TOPAZ1: variants seen among roughly 807,000 people sequenced by gnomAD.
The protein encoded by TOPAZ1 is testis and ovary specific TOPAZ 1.
Under a neutral mutation model 172.2 loss-of-function variants are expected in TOPAZ1, and 66 were observed. The ratio of observed to expected loss-of-function variants is 0.38; its 90% CI spans 0.31 to 0.47. TOPAZ1 has a LOEUF of 0.47. TOPAZ1 is among the 20% of genes least tolerant of loss of function. TOPAZ1 has a pLI of 0.99. For synonymous variants in TOPAZ1, 681 were observed against 683.9 expected, an observed-to-expected ratio of 1.00 and a Z score of 0.07; for missense variants, 1,822 against 1,972.4, an observed-to-expected ratio of 0.92 and a Z score of 1.44.
intron 1 of TOPAZ1, 123 bp from the exon 2 acceptor site, chr3:44,242,730 G>A (rs1459163919): frequency 6.4e-6 from 5 of 785,328 alleles, no homozygotes; most frequent in Non-Finnish European, 9.8e-6. Flanking sequence ...AAACAAATGT[G>A]TATTTACATA....
At chr3:44,269,786 C>T (rs1699875616) in intron 7 of TOPAZ1, among the ~76,000 whole-genome samples, 1 of 151,912 alleles carries the variant, frequency 6.6e-6, no homozygotes, top group Admixed American at 6.6e-5. Flanking sequence ...CGCCCACCAC[C>T]ACGCCCGGCT....
chr3:44,325,643 CTT>C (rs747058832), intron 18 of TOPAZ1, among the ~76,000 whole-genome samples: 1 of 144,176 alleles, frequency 6.9e-6, no homozygotes, highest in Non-Finnish European at 1.5e-5. Flanking sequence ...TAGTGACTGG[CTT>C]TTTTTTTTTT....
chr3:44,314,497 G>A (rs1247495392), intron 16 of TOPAZ1, among the ~76,000 whole-genome samples: 3 of 152,082 alleles, frequency 2.0e-5, no homozygotes, highest in African/African-American at 7.2e-5. Flanking sequence ...CAACAAATAA[G>A]TGTAAAGCAG....
chr3:44,248,981 G>A (rs957228044), intron 2 of TOPAZ1, among the ~76,000 whole-genome samples: 10 of 152,166 alleles, frequency 6.6e-5, no homozygotes, highest in African/African-American at 2.2e-4. Flanking sequence ...AACATTAGAA[G>A]CATACTAGAG....
Position 44,243,897 on chromosome 3 carries a change from G to A in TOPAZ1, c.1391G>A (p.Arg464Lys). ...TCACCTAATGAGTACCATATTGAAAGGAGATCTTCACGGGAAGACTTAAGA... is the reference window on the plus strand; with the variant it reads ...TCACCTAATGAGTACCATATTGAAAAGAGATCTTCACGGGAAGACTTAAGA... ...GKSPNEYHIE[R>K]RSSREDLRSA... Residue 464 changes from arginine to lysine, a missense_variant, in exon 2 of 20, where the codon AGG (arginine) becomes AAG (lysine). Arg to Lys is a conservative substitution (Grantham distance 26). Around this residue, in one of 2 missense-constraint regions of TOPAZ1, gnomAD observed 1,489 missense variants for 1,490.8 expected, o/e 1.00. Transcript: ENST00000309765. 6.4e-7 allele frequency: 1 copy of A among 1,551,962 alleles called. No homozygotes were observed.
rs1459664054 is a variant in TOPAZ1 at position 44,242,181 on chromosome 3, G to C, written c.128G>C (p.Cys43Ser). 1.5e-5 allele frequency: 23 copies of C among 1,541,988 alleles called. No individual in the cohort carries two copies. Among genetic ancestry groups the C allele is most frequent in the Non-Finnish European group, 1.9e-5 (22 of 1,144,578 alleles). ...GGCTGTGGCCCTGAGGCCGGGGGGT[G>C]CCGGGAAAATAAGCAAAAGAGGAGA... ...AGGCGPEAGG[C>S]RENKQKRRMV... The change falls in exon 1 of 20, where the codon TGC becomes TCC. Residue 43 changes from cysteine to serine, a missense_variant. By Grantham distance (112) the Cys-to-Ser change is moderately radical. Around this residue, in one of 2 missense-constraint regions of TOPAZ1, gnomAD observed 1,489 missense variants for 1,490.8 expected, o/e 1.00. Coordinates refer to ENST00000309765, the MANE Select transcript of TOPAZ1 (RefSeq NM_001145030.2).
chr3:44,305,200 A>G lies in TOPAZ1; in HGVS notation c.3918A>G (p.Val1306=), dbSNP rs1291229735. The G allele has an allele frequency of 6.5e-7, 1 of 1,546,482 alleles. No homozygotes were observed. Among genetic ancestry groups the G allele is most frequent in the Non-Finnish European group, 8.7e-7 (1 of 1,145,244 alleles). Residue 1306 remains valine, a synonymous_variant, in exon 14 of 20, where the codon GTA becomes GTG. Coordinates refer to ENST00000309765, the MANE Select transcript of TOPAZ1 (RefSeq NM_001145030.2). ...AATTGGGAAAATTATACATTAACGT[A>G]AAAATGGGCTGTGAAAAATTTGCAG... ...WTKLGKLYIN[V]KMGCEKFADF... is the part of the protein sequence containing the mutation.
At position 44,242,418 on chromosome 3, in the gene TOPAZ1, T is replaced by G; in HGVS notation, c.346+19T>G. The G allele has an allele frequency of 0.018, 27,112 of 1,468,332 alleles. No homozygotes were observed. Among genetic ancestry groups the G allele is most frequent in the Non-Finnish European group, 0.023 (24,717 of 1,070,404 alleles). 91.0% of individuals were successfully genotyped at this position (1,468,332 alleles called of 1,614,324 possible). On this transcript the variant is annotated intron_variant, in intron 1 of 19. Coordinates refer to ENST00000309765, the MANE Select transcript of TOPAZ1 (RefSeq NM_001145030.2). ...AGACACAGTAAGAAAGCATCCACGATCACTTACCTTTAGCCCTTGTACCTC... is the reference window on the plus strand; with the variant it reads ...AGACACAGTAAGAAAGCATCCACGAGCACTTACCTTTAGCCCTTGTACCTC...
intron 2 of TOPAZ1, among the ~76,000 whole-genome samples, chr3:44,248,651 C>T (rs1699594075): frequency 6.6e-6 from 1 of 152,158 alleles, no homozygotes; most frequent in African/African-American, 2.4e-5. Flanking sequence ...GAAATTTCAG[C>T]TATGTCCCTT....
chr3:44,243,100 C>A lies in TOPAZ1; in HGVS notation c.594C>A (p.Phe198Leu). 1 of 1,548,096 alleles carries A rather than the reference C, an allele frequency of 6.5e-7. No individual in the cohort carries two copies. The highest frequency in any genetic ancestry group is 1.2e-5 in the South Asian group (1 of 82,512). The change falls in exon 2 of 20, where the codon TTC becomes TTA. Residue 198 changes from phenylalanine (F) to leucine (L), a missense_variant. Physicochemically the swap from Phe to Leu is conservative, Grantham distance 22 (BLOSUM62 0). Transcript: ENST00000309765. ...NEATQNIKVE[F>L]QDELYKNTPK... Reference sequence around the variant, plus strand: ...CTACACAAAATATTAAGGTTGAATTCCAAGATGAACTGTACAAGAATACTC... The same window carrying A: ...CTACACAAAATATTAAGGTTGAATTACAAGATGAACTGTACAAGAATACTC...
At chr3:44,277,286 C>T (rs1699970933) in intron 8 of TOPAZ1, among the ~76,000 whole-genome samples, 2 of 152,108 alleles carry the variant, frequency 1.3e-5, no homozygotes, top group Non-Finnish European at 2.9e-5. Context: ...CTTGATTTCT[C>T]TCTCAGCTAG....
intron 6 of TOPAZ1, 146 bp from the exon 7 acceptor site, chr3:44,269,070 C>A: frequency 1.6e-6 from 1 of 606,610 alleles, no homozygotes; most frequent in Non-Finnish European, 3.0e-6. Flanking sequence ...TTCACAGGAA[C>A]ACACATGGCA....
intron 2 of TOPAZ1, among the ~76,000 whole-genome samples, chr3:44,249,914 T>C (rs972419432): frequency 2.0e-5 from 3 of 152,184 alleles, no homozygotes; most frequent in African/African-American, 7.2e-5. Context: ...AGTATGGAAT[T>C]GATGTTGGTG....
In TOPAZ1 at chr3:44,279,751, T is replaced by C. The variant is rs150385969; in HGVS notation, c.3373-2217T>C. 6.7e-3 allele frequency among the ~76,000 whole-genome samples: 1,026 copies of C among 152,260 alleles called. 6 individuals carry two copies. Among genetic ancestry groups the C allele is most frequent in the Middle Eastern group, 0.017 (5 of 294 alleles). Reference sequence around the variant, plus strand: ...AAGTAGCATATCATTGGATCATGTTTGTTTAATCCATTTAGCCAATCTATA... The same window carrying C: ...AAGTAGCATATCATTGGATCATGTTCGTTTAATCCATTTAGCCAATCTATA... On this transcript the variant is annotated intron_variant, in intron 8 of 19. Transcript: ENST00000309765.
chr3:44,297,750 T>TA (rs35355700), intron 12 of TOPAZ1, among the ~76,000 whole-genome samples: 69,997 of 149,718 alleles, frequency 0.47, 17,302 homozygotes, highest in East Asian at 0.79. Context: ...TACCAAAATT[T>TA]AAAAAAAAAA....
intron 2 of TOPAZ1, among the ~76,000 whole-genome samples, chr3:44,254,578 G>A (rs1298692337): frequency 7.5e-6 from 1 of 132,658 alleles, no homozygotes; most frequent in East Asian, 2.2e-4. Flanking sequence ...AGTGAGCCAA[G>A]ATCGCGCCAT....
intron 5 of TOPAZ1, among the ~76,000 whole-genome samples, chr3:44,263,510 C>T (rs545494526): frequency 1.3e-5 from 2 of 152,096 alleles, no homozygotes; most frequent in Admixed American, 6.6e-5. Context: ...TTTATGTTGC[C>T]GCTTTTGTTT....
intron 19 of TOPAZ1, among the ~76,000 whole-genome samples, chr3:44,328,653 C>A (rs142949823): frequency 7.9e-5 from 12 of 152,214 alleles, no homozygotes; most frequent in African/African-American, 2.9e-4. Flanking sequence ...TAGTAGCATT[C>A]GGTAAACACT....
At chr3:44,334,503 G>A (rs1020174982), downstream of TOPAZ1, among the ~76,000 whole-genome samples, 5 of 152,194 alleles carry the variant, frequency 3.3e-5, no homozygotes, top group Non-Finnish European at 7.4e-5. Context: ...ATATGTGGAA[G>A]TTGCTGTTGC....
Sources: gnomAD v4.1 joint callset for allele counts (sites outside exome capture counted in the v4.1 genomes callset) on GRCh38, gnomAD v4.1.1 for gene constraint, gnomAD v4.1.1 regional missense constraint, MANE v1.5 for transcripts, NCBI Gene and HGNC (gene_info 2026-07-23, HGNC 2026-07-21) for gene names.